Variants in CTDSPL observed in about 807,000 individuals in gnomAD.
CTDSPL encodes CTD small phosphatase like.
A neutral mutation model predicts 30.5 loss-of-function variants in CTDSPL; 8 were observed. The ratio of observed to expected loss-of-function variants is 0.26; its 90% CI spans 0.15 to 0.47. The LOEUF (loss-of-function observed/expected upper bound fraction) is 0.47. Among genes scored for constraint, CTDSPL ranks in the 20% least tolerant of loss-of-function variants. The pLI is 0.99. For synonymous variants in CTDSPL, 110 were observed against 137.9 expected, an observed-to-expected ratio of 0.80 and a Z score of 1.42; for missense variants, 248 against 366.1, an observed-to-expected ratio of 0.68 and a Z score of 2.63.
chr3:37,911,358 T>C (rs930267331), intron 1 of CTDSPL, among the ~76,000 whole-genome samples: 7 of 152,168 alleles, frequency 4.6e-5, no homozygotes, highest in African/African-American at 1.7e-4. Context: ...TTCATTGCCT[T>C]TGGAACTTCA....
chr3:37,937,436 G>T (rs1237521222), intron 1 of CTDSPL, among the ~76,000 whole-genome samples: 1 of 150,148 alleles, frequency 6.7e-6, no homozygotes, highest in African/African-American at 2.4e-5. Flanking sequence ...ATAAAGAAAG[G>T]CTCCTCCTCA....
chr3:37,945,481 G>A (rs1480253901), intron 1 of CTDSPL, among the ~76,000 whole-genome samples: 1 of 152,208 alleles, frequency 6.6e-6, no homozygotes, highest in African/African-American at 2.4e-5. Flanking sequence ...GTGAGATGAG[G>A]TTTGTGAACT....
At position 37,956,937 on chromosome 3, in the gene CTDSPL, C is replaced by A. The variant is rs1318466015; in HGVS notation, c.235-174C>A. Among the ~76,000 whole-genome samples the A allele has an allele frequency of 2.0e-5, 3 of 152,104 alleles. No individual in the cohort carries two copies. The East Asian group carries it at 5.8e-4, about 29-fold the overall frequency. On this transcript the variant is annotated intron_variant, in intron 2 of 7. Coordinates refer to ENST00000273179, the MANE Select transcript of CTDSPL (RefSeq NM_001008392.2). Reference sequence around the variant, plus strand: ...GCAGGTGTCTGAGAGACAGAAGGAGCCTCATGCCTTAACTGTGGAAAATTT... The same window carrying A: ...GCAGGTGTCTGAGAGACAGAAGGAGACTCATGCCTTAACTGTGGAAAATTT...
chr3:37,878,733 A>G (rs2125591265), intron 1 of CTDSPL, among the ~76,000 whole-genome samples: 1 of 152,312 alleles, frequency 6.6e-6, no homozygotes, highest in East Asian at 1.9e-4. Flanking sequence ...TCTTTATTTT[A>G]GTCACTTACC....
At chr3:37,898,327 C>T (rs1416067572) in intron 1 of CTDSPL, among the ~76,000 whole-genome samples, 2 of 152,156 alleles carry the variant, frequency 1.3e-5, no homozygotes, top group Non-Finnish European at 2.9e-5. Context: ...GACTTTCTTC[C>T]ATTTTAAGAA....
intron 1 of CTDSPL, among the ~76,000 whole-genome samples, chr3:37,897,820 A>G (rs1698405819): frequency 6.6e-6 from 1 of 152,172 alleles, no homozygotes; most frequent in African/African-American, 2.4e-5. Flanking sequence ...AGAAAAACAG[A>G]AAGAAAAGTA....
intron 6 of CTDSPL, among the ~76,000 whole-genome samples, chr3:37,972,555 T>G (rs1297687444): frequency 1.3e-5 from 2 of 150,856 alleles, no homozygotes; most frequent in Non-Finnish European, 3.0e-5. Flanking sequence ...TCCTAAAGCT[T>G]GATATGAATC....
intron 5 of CTDSPL, among the ~76,000 whole-genome samples, chr3:37,970,927 G>A (rs969395347): frequency 2.6e-5 from 4 of 152,170 alleles, no homozygotes; most frequent in Non-Finnish European, 1.5e-5. Context: ...CCTAGTAAGG[G>A]GGATGTCCAT....
At chr3:37,972,306 G>A (rs1183273229) in intron 6 of CTDSPL, among the ~76,000 whole-genome samples, 1 of 152,078 alleles carries the variant, frequency 6.6e-6, no homozygotes, top group Non-Finnish European at 1.5e-5. Context: ...AGACCAACCT[G>A]GCCAACATGG....
intron 1 of CTDSPL, among the ~76,000 whole-genome samples, chr3:37,889,257 G>A (rs371586629): frequency 2.0e-5 from 3 of 152,240 alleles, no homozygotes; most frequent in Middle Eastern, 3.4e-3. Context: ...GACATAACAC[G>A]ATCTGACCTC....
At chr3:37,908,513 C>T (rs1353011092) in intron 1 of CTDSPL, among the ~76,000 whole-genome samples, 1 of 152,092 alleles carries the variant, frequency 6.6e-6, no homozygotes, top group Non-Finnish European at 1.5e-5. Context: ...AATGTACCAA[C>T]ATTTATTAGC....
chr3:37,940,251 G>A (rs1050104710), intron 1 of CTDSPL, among the ~76,000 whole-genome samples: 3 of 150,412 alleles, frequency 2.0e-5, no homozygotes, highest in African/African-American at 7.3e-5. Flanking sequence ...CTAGATGTGG[G>A]CTTCATGAGG....
chr3:37,965,091 A>G (rs1045559381), intron 4 of CTDSPL, among the ~76,000 whole-genome samples: 2 of 152,114 alleles, frequency 1.3e-5, no homozygotes, highest in African/African-American at 2.4e-5. Context: ...TATCATGGAG[A>G]TTTTCCCAGA....
At chr3:37,877,313 ATT>A (rs1698146983) in intron 1 of CTDSPL, among the ~76,000 whole-genome samples, 1 of 152,082 alleles carries the variant, frequency 6.6e-6, no homozygotes, top group Non-Finnish European at 1.5e-5. Context: ...GTCTCTGTGA[ATT>A]TGTCTACTCC....
chr3:37,938,881 T>C (rs1343799358), intron 1 of CTDSPL, among the ~76,000 whole-genome samples: 1 of 149,726 alleles, frequency 6.7e-6, no homozygotes, highest in African/African-American at 2.4e-5. Flanking sequence ...CCATATTTAA[T>C]ATGAGATTTC....
chr3:37,911,955 G>A (rs1698588497), intron 1 of CTDSPL: 2 of 261,166 alleles, frequency 7.7e-6, no homozygotes, highest in South Asian at 3.7e-5. Flanking sequence ...CCAGCTACTC[G>A]GGAGGCTGAG....
chr3:37,873,461 G>A (rs1286572355), intron 1 of CTDSPL, among the ~76,000 whole-genome samples: 1 of 152,110 alleles, frequency 6.6e-6, no homozygotes, highest in Non-Finnish European at 1.5e-5. Context: ...GAAAACCCAG[G>A]GAAATCACCA....
In CTDSPL at chr3:37,983,764, A is replaced by G. The variant is rs1339701884; in HGVS notation, c.*2897A>G. 1.9e-5 allele frequency: 3 copies of G among 160,476 alleles called. No individual in the cohort carries two copies. Among genetic ancestry groups the G allele is most frequent in the Admixed American group, 1.2e-4 (2 of 17,060 alleles). The allele number at this position is 160,476 out of a possible 1,614,324, so 9.9% of individuals were successfully genotyped here. On this transcript the variant is annotated 3_prime_UTR_variant, in exon 8 of 8. Transcript: ENST00000273179. ...TGTCTTCCATTTGTTCTGGAATCCT[A>G]CGTGTTGGTCTGTGGTTCCATGCAT... is the stretch of plus-strand genomic sequence containing the variant.
At chr3:37,882,966 T>C (rs1698224348) in intron 1 of CTDSPL, among the ~76,000 whole-genome samples, 1 of 152,212 alleles carries the variant, frequency 6.6e-6, no homozygotes, top group South Asian at 2.1e-4. Context: ...TGTGTAGTGC[T>C]CTAGCCACAA....
Sources: allele counts gnomAD v4.1 joint callset (sites outside exome capture counted in the v4.1 genomes callset), GRCh38; gene constraint gnomAD v4.1.1; transcripts MANE v1.5; gene names NCBI Gene and HGNC (gene_info 2026-07-23, HGNC 2026-07-21).